Variants in ZFYVE9 observed in about 807,000 individuals in gnomAD.
The protein encoded by ZFYVE9 is zinc finger FYVE domain-containing protein 9.
ZFYVE9 carries 43 observed loss-of-function variants against 126.7 expected under a neutral mutation model. The observed-to-expected ratio is 0.34, with a 90% CI of 0.27 to 0.44. The LOEUF is 0.44. Among genes scored for constraint, ZFYVE9 ranks in the 20% least tolerant of loss-of-function variants. ZFYVE9 has a pLI of 1.00. For synonymous variants in ZFYVE9, 521 were observed against 597.4 expected (o/e 0.87, Z 1.87); for missense variants, 1,476 against 1,697.0 (o/e 0.87, Z 2.29).
chr1:52,295,824 T>G (rs1276146075), intron 11 of ZFYVE9, 71 bp from the exon 12 acceptor site: 3 of 1,254,086 alleles, frequency 2.4e-6, no homozygotes, highest in Non-Finnish European at 3.4e-6. Context: ...AAAATTGTAT[T>G]AGTCATGAAA....
intron 13 of ZFYVE9, among the ~76,000 whole-genome samples, chr1:52,320,402 A>G (rs888264065): frequency 2.1e-4 from 32 of 152,176 alleles, no homozygotes; most frequent in African/African-American, 7.7e-4. Flanking sequence ...GAGTGATCAA[A>G]GCAGTATTGT....
At chr1:52,318,150 A>C (rs888051428) in intron 13 of ZFYVE9, among the ~76,000 whole-genome samples, 1 of 152,158 alleles carries the variant, frequency 6.6e-6, no homozygotes, top group Non-Finnish European at 1.5e-5. Context: ...TAGTTAACAA[A>C]TTTTTAGTAA....
intron 1 of ZFYVE9, chr1:52,162,720 A>T (rs1468104016): frequency 2.6e-5 from 8 of 304,724 alleles, no homozygotes; most frequent in Non-Finnish European, 5.2e-5. Flanking sequence ...CTGGTTAGAC[A>T]TTGGAGAATG....
intron 12 of ZFYVE9, among the ~76,000 whole-genome samples, chr1:52,300,745 C>T (rs534446944): frequency 1.1e-4 from 16 of 151,256 alleles, no homozygotes; most frequent in African/African-American, 3.9e-4. Flanking sequence ...AGGTTTGCTG[C>T]TGATGAATTA....
At chr1:52,310,071 A>G (rs1646124103) in intron 13 of ZFYVE9, among the ~76,000 whole-genome samples, 1 of 151,944 alleles carries the variant, frequency 6.6e-6, no homozygotes, top group Non-Finnish European at 1.5e-5. Context: ...TCCCAGGCTC[A>G]GGTGATCTTC....
At chr1:52,318,602 T>C (rs1407061126) in intron 13 of ZFYVE9, among the ~76,000 whole-genome samples, 8 of 151,688 alleles carry the variant, frequency 5.3e-5, no homozygotes, top group African/African-American at 1.7e-4. Context: ...GGAAAAAAAA[T>C]AAGAGTCATA....
At chr1:52,335,356 C>A (rs1440276579) in intron 15 of ZFYVE9, 2 of 152,780 alleles carry the variant, frequency 1.3e-5, no homozygotes, top group African/African-American at 4.8e-5. Context: ...TGGCTTAACA[C>A]TGCTTCATGA....
At position 52,346,225 on chromosome 1, in the gene ZFYVE9, GAGA is replaced by G. The variant is rs773124043; in HGVS notation, c.*8_*10del. ...TATTCTGGAAAACATCGTATAAACA[GAGA>G]AGACTTCATTTTTTTCTGTTCAGAC... On this transcript the variant is annotated 3_prime_UTR_variant, in exon 19 of 19. Transcript: ENST00000287727. The G allele has an allele frequency of 1.1e-5, 17 of 1,574,122 alleles. No homozygotes were observed. The highest frequency in any genetic ancestry group is 2.3e-5 in the East Asian group (1 of 44,070).
chr1:52,285,496 TCAG>T (rs1645849626), intron 10 of ZFYVE9, among the ~76,000 whole-genome samples: 1 of 152,048 alleles, frequency 6.6e-6, no homozygotes, highest in African/African-American at 2.4e-5. Flanking sequence ...TCCTCTCAGA[TCAG>T]CAGCGGTATT....
At chr1:52,229,041 A>C (rs1359040828) in intron 2 of ZFYVE9, among the ~76,000 whole-genome samples, 2 of 151,824 alleles carry the variant, frequency 1.3e-5, no homozygotes, top group Non-Finnish European at 2.9e-5. Flanking sequence ...ACACCTGGCT[A>C]ATTTTTATTT....
intron 10 of ZFYVE9, among the ~76,000 whole-genome samples, chr1:52,291,688 G>A (rs1376591025): frequency 1.3e-5 from 2 of 151,908 alleles, no homozygotes; most frequent in Non-Finnish European, 2.9e-5. Flanking sequence ...GACCAGCCTG[G>A]CCAATATGGT....
chr1:52,184,503 C>T (rs1370336388), intron 1 of ZFYVE9, among the ~76,000 whole-genome samples: 1 of 145,632 alleles, frequency 6.9e-6, no homozygotes, highest in Non-Finnish European at 1.5e-5. Context: ...GCCTTTTTCT[C>T]CCAAATTTCT....
intron 4 of ZFYVE9, among the ~76,000 whole-genome samples, chr1:52,258,347 G>T (rs1645542868): frequency 7.2e-6 from 1 of 139,842 alleles, no homozygotes; most frequent in African/African-American, 2.7e-5. Context: ...GTAGCTTAGA[G>T]AACTGGGGAA....
At chr1:52,250,513 T>A (rs1410560960) in intron 4 of ZFYVE9, among the ~76,000 whole-genome samples, 3 of 152,166 alleles carry the variant, frequency 2.0e-5, no homozygotes, top group African/African-American at 7.2e-5. Flanking sequence ...TTTTTGTGTG[T>A]TTGCGGGGAA....
At chr1:52,309,948 A>T (rs1226335597) in intron 13 of ZFYVE9, among the ~76,000 whole-genome samples, 1 of 152,132 alleles carries the variant, frequency 6.6e-6, no homozygotes, top group Non-Finnish European at 1.5e-5. Flanking sequence ...TTGTTGGTTA[A>T]GGTCACCTGG....
intron 1 of ZFYVE9, among the ~76,000 whole-genome samples, chr1:52,156,343 G>A (rs929455910): frequency 6.6e-6 from 1 of 152,154 alleles, no homozygotes; most frequent in African/African-American, 2.4e-5. Flanking sequence ...ACTGGTTCCT[G>A]CAGGGGCTAG....
Position 52,238,167 on chromosome 1 carries a change from A to G in ZFYVE9, c.750A>G (p.Gly250=), listed in dbSNP as rs1349000633. ...VCSPSQLKDD[G]SIGRDPSMSA... ...CCCCTTCACAATTAAAGGATGACGG[A>G]AGTATAGGTAGAGACCCCTCCATGT... The change falls in exon 4 of 19, where the codon GGA becomes GGG. Residue 250 remains glycine (G), a synonymous_variant. Transcript: ENST00000287727. 6.2e-6 allele frequency: 10 copies of G among 1,614,124 alleles called. No homozygotes were observed. Among genetic ancestry groups the G allele is most frequent in the Non-Finnish European group, 8.5e-6 (10 of 1,179,972 alleles).
chr1:52,202,975 C>T (rs1020446985), intron 1 of ZFYVE9, among the ~76,000 whole-genome samples: 7 of 151,920 alleles, frequency 4.6e-5, no homozygotes, highest in Non-Finnish European at 7.4e-5. Flanking sequence ...CGTGAGCCAC[C>T]GCGCACAGCC....
At chr1:52,228,893 CTTT>C (rs11438635) in intron 2 of ZFYVE9, among the ~76,000 whole-genome samples, 1 of 142,462 alleles carries the variant, frequency 7.0e-6, no homozygotes, top group African/African-American at 2.6e-5. Flanking sequence ...ATCTTTTTTC[CTTT>C]TTTTTTTTTT....
Sources: gnomAD v4.1 joint callset for allele counts (sites outside exome capture counted in the v4.1 genomes callset) on GRCh38, gnomAD v4.1.1 for gene constraint, MANE v1.5 for transcripts, NCBI Gene and HGNC (gene_info 2026-07-23, HGNC 2026-07-21) for gene names.